Variants in TFEC observed in about 807,000 individuals in gnomAD.
TFEC encodes the protein transcription factor EC.
TFEC carries 31 observed loss-of-function variants against 41.6 expected under a neutral mutation model. The ratio of observed to expected loss-of-function variants is 0.74; its 90% CI spans 0.56 to 1.01. The LOEUF (loss-of-function observed/expected upper bound fraction) is 1.01, where lower values mean the gene tolerates loss of function less well. Ranked by LOEUF, TFEC falls within the 50% of genes least tolerant of loss-of-function variation. The probability of loss-of-function intolerance (pLI) is 0.00; values close to 1 mark genes in which losing one functional copy is unlikely to be tolerated. For missense variants in TFEC, 402 were observed against 404.1 expected, an observed-to-expected ratio of 0.99 and a Z score of 0.04; for synonymous variants, 143 against 140.6, an observed-to-expected ratio of 1.02 and a Z score of -0.12.
chr7:116,129,585 A>ACT (rs1562980322), intron 1 of TFEC, among the ~76,000 whole-genome samples: 2 of 132,746 alleles, frequency 1.5e-5, no homozygotes, highest in African/African-American at 6.0e-5. Context: ...CAATATTCTT[A>ACT]CTTTTTTTTT....
chr7:116,137,861 A>G (rs1798463555), intron 1 of TFEC, among the ~76,000 whole-genome samples: 1 of 152,036 alleles, frequency 6.6e-6, no homozygotes, highest in Non-Finnish European at 1.5e-5. Context: ...TACAGTATAA[A>G]ATAGTTTAGA....
chr7:116,009,446 A>G (rs1794919577), intron 1 of TFEC, among the ~76,000 whole-genome samples: 1 of 152,180 alleles, frequency 6.6e-6, no homozygotes, highest in African/African-American at 2.4e-5. Flanking sequence ...CTCACAGTTT[A>G]GCATTAATTG....
intron 3 of TFEC, among the ~76,000 whole-genome samples, chr7:115,969,122 T>C (rs1793012540): frequency 1.3e-5 from 2 of 151,834 alleles, no homozygotes; most frequent in African/African-American, 2.4e-5. Context: ...GTGTGAATTT[T>C]AGTCATTTAT....
In TFEC at chr7:116,071,913, G is replaced by A. The variant is rs566179532; in HGVS notation, c.198+38795C>T. On this transcript the variant is annotated intron_variant, in intron 3 of 8. Coordinates refer to the TFEC transcript ENST00000484212. ...TATGTAGTATTACTTAGTAGTAACA[G>A]TAGTATTACTTAAATTAGAAAATGT... is the stretch of plus-strand genomic sequence containing the variant. Among the ~76,000 whole-genome samples the A allele has an allele frequency of 1.1e-3, 171 of 151,488 alleles. 1 individual carries two copies. Among genetic ancestry groups the A allele is most frequent in the African/African-American group, 4.0e-3 (166 of 41,492 alleles).
upstream of TFEC, among the ~76,000 whole-genome samples, chr7:116,032,359 TC>T (rs1795805842): frequency 6.6e-6 from 1 of 152,082 alleles, no homozygotes; most frequent in Non-Finnish European, 1.5e-5. Context: ...TATAAATCAA[TC>T]TATTATAAAG....
At chr7:116,011,234 C>T (rs1247308665) in intron 1 of TFEC, among the ~76,000 whole-genome samples, 2 of 152,118 alleles carry the variant, frequency 1.3e-5, no homozygotes, top group Non-Finnish European at 2.9e-5. Context: ...AACTCCAAAA[C>T]ACATCTAACC....
intron 1 of TFEC, among the ~76,000 whole-genome samples, chr7:116,127,662 A>G (rs56038916): frequency 0.37 from 53,686 of 146,784 alleles, 10,063 homozygotes; most frequent in East Asian, 0.58. Context: ...ACTGCACTCC[A>G]GCCTGGGCAA....
intron 1 of TFEC, among the ~76,000 whole-genome samples, chr7:116,135,700 T>C (rs910664498): frequency 2.0e-5 from 3 of 152,130 alleles, no homozygotes; most frequent in African/African-American, 4.8e-5. Flanking sequence ...AAATCTTCTT[T>C]GCTCCTTTCT....
intron 3 of TFEC, among the ~76,000 whole-genome samples, chr7:115,966,285 A>C (rs1792844634): frequency 6.6e-6 from 1 of 151,638 alleles, no homozygotes; most frequent in Admixed American, 6.6e-5. Context: ...TCAACAATAG[A>C]CTTCAAACCC....
chr7:116,049,537 T>G (rs1796257501), intron 3 of TFEC, among the ~76,000 whole-genome samples: 1 of 152,126 alleles, frequency 6.6e-6, no homozygotes, highest in Admixed American at 6.5e-5. Flanking sequence ...ATGGGAGACT[T>G]CAACACCCCA....
rs76152833 is a variant in TFEC at position 115,954,610 on chromosome 7, G to T, written c.415C>A (p.Gln139Lys). The stretch of plus-strand genomic sequence containing the variant: ...CTGAGGTTGTGGTTGTCCTTTTTTT[G>T]TCTCTCTTTTGCTAAAGCTCTAGTG... The part of the protein sequence containing the change: ...TDTRALAKER[Q>K]KKDNHNLIER... Residue 139 changes from glutamine to lysine, a missense_variant, in exon 5 of 8, where the codon CAA becomes AAA. Coordinates refer to ENST00000265440, the MANE Select transcript of TFEC (RefSeq NM_012252.4). 4.3e-6 allele frequency: 7 copies of T among 1,609,766 alleles called. No individual in the cohort carries two copies. Among genetic ancestry groups the T allele is most frequent in the Admixed American group, 1.7e-5 (1 of 59,474 alleles).
chr7:115,951,138 T>C (rs1791918325), intron 5 of TFEC, among the ~76,000 whole-genome samples, 189 bp from the exon 6 acceptor site: 1 of 152,102 alleles, frequency 6.6e-6, no homozygotes, highest in African/African-American at 2.4e-5. Context: ...ATTAGAATTA[T>C]AAATCTATGA....
intron 3 of TFEC, among the ~76,000 whole-genome samples, chr7:116,074,324 C>G (rs957658325): frequency 6.6e-6 from 1 of 151,482 alleles, no homozygotes; most frequent in African/African-American, 2.4e-5. Context: ...AAAAGACAAC[C>G]CACATAATGG....
chr7:116,136,600 C>A (rs1042215600), intron 1 of TFEC, among the ~76,000 whole-genome samples: 1 of 151,868 alleles, frequency 6.6e-6, no homozygotes, highest in African/African-American at 2.4e-5. Context: ...TGTTTTCAAT[C>A]TCAATAGAAA....
At chr7:116,100,566 C>A (rs759393120) in intron 3 of TFEC, among the ~76,000 whole-genome samples, 104 of 150,168 alleles carry the variant, frequency 6.9e-4, no homozygotes, top group South Asian at 1.3e-3. Context: ...AGGTGTAGAG[C>A]GAACAAGAGA....
intron 3 of TFEC, among the ~76,000 whole-genome samples, chr7:116,061,612 A>C (rs1361254997): frequency 6.6e-6 from 1 of 152,180 alleles, no homozygotes; most frequent in African/African-American, 2.4e-5. Flanking sequence ...GTGAATTTCA[A>C]CACACAGTAA....
intron 1 of TFEC, among the ~76,000 whole-genome samples, chr7:116,145,117 G>C (rs1306511420): frequency 6.6e-6 from 1 of 152,124 alleles, no homozygotes; most frequent in African/African-American, 2.4e-5. Context: ...TTTACCTTAG[G>C]AAAGTTTTGA....
intron 3 of TFEC, among the ~76,000 whole-genome samples, chr7:116,101,305 AAG>A (rs1375840948): frequency 1.3e-5 from 2 of 151,988 alleles, no homozygotes; most frequent in Non-Finnish European, 2.9e-5. Context: ...GAGAGACAGC[AAG>A]AGAGGAAAAA....
At chr7:116,072,945 T>A (rs1021147144) in intron 3 of TFEC, among the ~76,000 whole-genome samples, 4 of 151,432 alleles carry the variant, frequency 2.6e-5, no homozygotes, top group Non-Finnish European at 5.9e-5. Context: ...TTTAACATTG[T>A]GCTGGAGGGT....
Sources: allele counts gnomAD v4.1 joint callset (sites outside exome capture counted in the v4.1 genomes callset), GRCh38; gene constraint gnomAD v4.1.1; transcripts MANE v1.5; gene names NCBI Gene and HGNC (gene_info 2026-07-23, HGNC 2026-07-21).